The following NCK2 variants were observed in gnomAD, a reference collection of about 807,000 sequenced individuals.
NCK2 encodes NCK adaptor protein 2, also known as cytoplasmic protein NCK2.
In NCK2, 16 loss-of-function variants were observed where a neutral mutation model predicts 33.9. The ratio of observed to expected loss-of-function variants is 0.47; its 90% CI spans 0.32 to 0.72. NCK2 has a LOEUF of 0.72. Among genes scored for constraint, NCK2 ranks in the 30% least tolerant of loss-of-function variants. NCK2 has a pLI of 0.03. For missense variants in NCK2, 418 were observed against 537.3 expected, an observed-to-expected ratio of 0.78 and a Z score of 2.19; for synonymous variants, 273 against 239.9, an observed-to-expected ratio of 1.14 and a Z score of -1.27.
At chr2:105,853,933 C>G (rs1453224033) in intron 2 of NCK2, 1 of 152,214 alleles carries the variant, frequency 6.6e-6, no homozygotes, top group African/African-American at 2.4e-5. Context: ...GGAACCTGAT[C>G]AGATGTTGAG....
At chr2:105,830,116 CTT>C (rs1422233598) in intron 2 of NCK2, among the ~76,000 whole-genome samples, 1 of 152,174 alleles carries the variant, frequency 6.6e-6, no homozygotes, top group African/African-American at 2.4e-5. Flanking sequence ...AAAATCCTCT[CTT>C]CTAGTTATTT....
chr2:105,881,212 A>G, intron 3 of NCK2, 116 bp from the exon 4 acceptor site: 2 of 1,390,450 alleles, frequency 1.4e-6, no homozygotes, highest in Non-Finnish European at 1.9e-6. Flanking sequence ...AGCACTGTCC[A>G]TGTGTCGTCC....
intron 1 of NCK2, among the ~76,000 whole-genome samples, chr2:105,810,329 A>C (rs933868306): frequency 1.1e-4 from 16 of 151,980 alleles, no homozygotes; most frequent in South Asian, 2.1e-4. Context: ...TGTGAGAGAG[A>C]GAGCGAGCGA....
chr2:105,870,298 C>A (rs1254943924), intron 3 of NCK2, among the ~76,000 whole-genome samples: 1 of 152,230 alleles, frequency 6.6e-6, no homozygotes, highest in Admixed American at 6.5e-5. Flanking sequence ...TAACCCCCAC[C>A]CAGGCAGGGT....
chr2:105,837,519 A>G (rs1676476866), intron 2 of NCK2, among the ~76,000 whole-genome samples: 1 of 152,090 alleles, frequency 6.6e-6, no homozygotes, highest in Non-Finnish European at 1.5e-5. Flanking sequence ...TCCCTCCATC[A>G]GGGTTATTTT....
intron 1 of NCK2, among the ~76,000 whole-genome samples, chr2:105,784,685 T>G (rs1221124167): frequency 6.6e-6 from 1 of 152,224 alleles, no homozygotes; most frequent in Non-Finnish European, 1.5e-5. Context: ...TCTCATTTAG[T>G]CTAGTGAAAA....
At chr2:105,793,473 A>G (rs959835967) in intron 1 of NCK2, among the ~76,000 whole-genome samples, 25 of 151,880 alleles carry the variant, frequency 1.6e-4, no homozygotes, top group African/African-American at 6.1e-4. Flanking sequence ...TGTTTCTGAG[A>G]CAAGTAGAGT....
At position 105,781,707 on chromosome 2, in the gene NCK2, T is replaced by C. The variant is rs567628248; in HGVS notation, c.-200-34723T>C. Among the ~76,000 whole-genome samples the C allele has an allele frequency of 2.6e-5, 4 of 152,338 alleles. No individual in the cohort carries two copies. The South Asian group carries it at 8.3e-4, about 32-fold the overall frequency. Reference sequence around the variant, plus strand: ...AGCAATGCATGAAAAGTACAGAGCCTGTGGCTTGGCAAGTGATAATCCTGC... The same window carrying C: ...AGCAATGCATGAAAAGTACAGAGCCCGTGGCTTGGCAAGTGATAATCCTGC... On this transcript the variant is annotated intron_variant, in intron 1 of 4. Transcript: ENST00000233154.
intron 2 of NCK2, among the ~76,000 whole-genome samples, chr2:105,845,599 G>A (rs1374052833): frequency 6.6e-6 from 1 of 151,930 alleles, no homozygotes; most frequent in Admixed American, 6.6e-5. Context: ...TTCAAATGTT[G>A]GCCAGGCTGG....
intron 1 of NCK2, among the ~76,000 whole-genome samples, chr2:105,806,394 C>A (rs1004716166): frequency 6.6e-6 from 1 of 152,052 alleles, no homozygotes; most frequent in Non-Finnish European, 1.5e-5. Context: ...CCCACCACCA[C>A]GTCCGGCTAA....
intron 3 of NCK2, among the ~76,000 whole-genome samples, chr2:105,860,972 G>A (rs780093707): frequency 6.6e-6 from 1 of 151,728 alleles, no homozygotes; most frequent in East Asian, 1.9e-4. Context: ...ACCCAAGGTC[G>A]TTGTGGATCC....
intron 1 of NCK2, among the ~76,000 whole-genome samples, chr2:105,750,339 C>A (rs1261309142): frequency 1.3e-5 from 2 of 152,088 alleles, no homozygotes; most frequent in Admixed American, 6.5e-5. Flanking sequence ...TATTTATGAC[C>A]TTTTTTAACC....
intron 1 of NCK2, among the ~76,000 whole-genome samples, chr2:105,748,346 T>A (rs140432202): frequency 6.6e-6 from 1 of 152,324 alleles, no homozygotes; most frequent in Non-Finnish European, 1.5e-5. Context: ...ACTTTCTTTG[T>A]GTCCCTGATT....
chr2:105,821,879 G>A (rs1327955915), intron 2 of NCK2, among the ~76,000 whole-genome samples: 1 of 149,922 alleles, frequency 6.7e-6, no homozygotes, highest in Admixed American at 6.6e-5. Flanking sequence ...ACAGCAGCCC[G>A]GGAAGCAGAA....
At chr2:105,845,039 G>GT (rs1392297918) in intron 2 of NCK2, among the ~76,000 whole-genome samples, 2 of 152,048 alleles carry the variant, frequency 1.3e-5, no homozygotes, top group Non-Finnish European at 2.9e-5. Context: ...CTGCTGGCAG[G>GT]TAGGTACAGG....
At chr2:105,844,561 A>G (rs1012388374) in intron 2 of NCK2, among the ~76,000 whole-genome samples, 8 of 141,500 alleles carry the variant, frequency 5.7e-5, no homozygotes, top group African/African-American at 2.0e-4. Flanking sequence ...TCTCTACTAA[A>G]AGTAGAAAAA....
At chr2:105,789,069 G>T (rs1272215183) in intron 1 of NCK2, among the ~76,000 whole-genome samples, 1 of 152,134 alleles carries the variant, frequency 6.6e-6, no homozygotes. Context: ...TGCTCAGAGG[G>T]TTCCAGCGCC....
chr2:105,837,287 T>TA (rs2104541021), intron 2 of NCK2, among the ~76,000 whole-genome samples: 1 of 152,364 alleles, frequency 6.6e-6, no homozygotes, highest in African/African-American at 2.4e-5. Flanking sequence ...ACGTTAGTTT[T>TA]ACCACATATG....
At chr2:105,858,530 T>G (rs568284677) in intron 3 of NCK2, among the ~76,000 whole-genome samples, 1 of 152,332 alleles carries the variant, frequency 6.6e-6, no homozygotes, top group African/African-American at 2.4e-5. Context: ...TTTACTGCTT[T>G]GGGAGTCCAC....
Sources: allele counts gnomAD v4.1 joint callset (sites outside exome capture counted in the v4.1 genomes callset), GRCh38; gene constraint gnomAD v4.1.1; transcripts MANE v1.5; gene names NCBI Gene and HGNC (gene_info 2026-07-23, HGNC 2026-07-21).